GATA4: variants seen among roughly 807,000 people sequenced by gnomAD.
GATA4 encodes transcription factor GATA-4.
In GATA4, 7 loss-of-function variants were observed where a neutral mutation model predicts 37.9. That is an observed-to-expected ratio of 0.18 (90% CI 0.11 to 0.35). The LOEUF (loss-of-function observed/expected upper bound fraction) is 0.35. Ranked by LOEUF, GATA4 falls within the 10% of genes least tolerant of loss-of-function variation. GATA4 has a pLI of 1.00. For missense variants in GATA4, 647 were observed against 653.0 expected (o/e 0.99, Z 0.10); for synonymous variants, 372 against 292.6 (o/e 1.27, Z -2.77).
chr8:11,721,606 G>C (rs988067789), intron 2 of GATA4, among the ~76,000 whole-genome samples: 2 of 152,012 alleles, frequency 1.3e-5, no homozygotes, highest in African/African-American at 4.8e-5. Flanking sequence ...GGTGTGCTTC[G>C]GCAGCAGGGC....
At chr8:11,690,028 G>A (rs1196883844), upstream of GATA4, among the ~76,000 whole-genome samples, 2 of 152,226 alleles carry the variant, frequency 1.3e-5, no homozygotes, top group African/African-American at 2.4e-5. Flanking sequence ...CAAAATGAGT[G>A]GATTGGACCA....
chr8:11,715,752 A>C (rs1469141228), intron 2 of GATA4, among the ~76,000 whole-genome samples: 7 of 152,030 alleles, frequency 4.6e-5, no homozygotes, highest in Non-Finnish European at 1.0e-4. Flanking sequence ...GAAAAAAAAA[A>C]CAACTCAAAT....
chr8:11,750,967 A>G (rs12549359), intron 4 of GATA4, among the ~76,000 whole-genome samples: 44,568 of 151,792 alleles, frequency 0.29, 7,494 homozygotes, highest in East Asian at 0.56. Flanking sequence ...AAAATATTAG[A>G]TAATAAAATA....
upstream of GATA4, chr8:11,700,706 T>G (rs569580035): frequency 2.0e-5 from 3 of 152,410 alleles, no homozygotes; most frequent in Admixed American, 2.0e-4. Flanking sequence ...ACCTTGAATG[T>G]CTGTCCGGAT....
At chr8:11,724,821 G>A (rs1800839862) in intron 2 of GATA4, among the ~76,000 whole-genome samples, 1 of 152,208 alleles carries the variant, frequency 6.6e-6, no homozygotes, top group African/African-American at 2.4e-5. Flanking sequence ...GGAGTGAGTG[G>A]GTGATGACAG....
intron 2 of GATA4, among the ~76,000 whole-genome samples, chr8:11,717,107 T>C (rs1800466342): frequency 6.6e-6 from 1 of 152,180 alleles, no homozygotes; most frequent in African/African-American, 2.4e-5. Flanking sequence ...TGGTAGACCA[T>C]GACATGGCCC....
At chr8:11,742,652 G>C (rs934627132) in intron 2 of GATA4, among the ~76,000 whole-genome samples, 1 of 152,254 alleles carries the variant, frequency 6.6e-6, no homozygotes, top group Admixed American at 6.5e-5. Flanking sequence ...CGCCGCTGGA[G>C]CTGTGTGGGC....
intron 1 of GATA4, chr8:11,697,551 C>A (rs910947006): frequency 3.0e-6 from 3 of 985,366 alleles, no homozygotes; most frequent in South Asian, 4.7e-5. Context: ...CCACTTTCCC[C>A]TCCACCGCCA....
At chr8:11,753,158 G>A (rs576146462) in intron 4 of GATA4, among the ~76,000 whole-genome samples, 2 of 152,134 alleles carry the variant, frequency 1.3e-5, no homozygotes, top group African/African-American at 4.8e-5. Context: ...AACAACCCAA[G>A]TGTCCACGGA....
At chr8:11,693,454 GGAGAAAGA>G (rs1799390198) in intron 1 of GATA4, among the ~76,000 whole-genome samples, 2 of 149,954 alleles carry the variant, frequency 1.3e-5, no homozygotes, top group Non-Finnish European at 3.0e-5. Flanking sequence ...GAGACCCTGT[GGAGAAAGA>G]GAGAAAGGGA....
At chr8:11,676,967 T>A (rs1798804672) in exon 1 of GATA4, 1 of 152,026 alleles carries the variant, frequency 6.6e-6, no homozygotes, top group Non-Finnish European at 1.5e-5. Flanking sequence ...TCACAACGTC[T>A]CCCTCCCACC....
rs2130069132 is a variant in GATA4 at position 11,708,598 on chromosome 8, G to A, written c.286G>A (p.Gly96Arg). ...GGGATGGAGCCAGGCGGGAGCCGAC[G>A]GAGCCGCTTACACCCCGCCGCCGGT... ...SPGWSQAGAD[G>R]AAYTPPPVSP... The change falls in exon 2 of 7, where the codon GGA becomes AGA. Residue 96 changes from glycine (G) to arginine (R), a missense_variant. By Grantham distance (125) the Gly-to-Arg change is moderately radical. This residue lies in a region of GATA4 where 379 missense variants were observed against 334.5 expected (regional missense o/e 1.13). Transcript: ENST00000532059. The surrounding 1 kb of genome is among the most constrained non-coding windows in gnomAD (Gnocchi z 6.7). 1.5e-6 allele frequency: 2 copies of A among 1,358,342 alleles called. No homozygotes were observed. Among genetic ancestry groups the A allele is most frequent in the East Asian group, 3.1e-5 (1 of 31,970 alleles). 84.1% of individuals were successfully genotyped at this position (1,358,342 alleles called of 1,614,324 possible).
At chr8:11,739,040 A>C (rs6992190) in intron 2 of GATA4, among the ~76,000 whole-genome samples, 109,961 of 152,228 alleles carry the variant, frequency 0.72, 40,815 homozygotes, top group African/African-American at 0.9. Context: ...CCAGATGGGG[A>C]TGCCACTGTG....
upstream of GATA4, among the ~76,000 whole-genome samples, chr8:11,703,658 G>A (rs1225690115): frequency 6.6e-6 from 1 of 152,244 alleles, no homozygotes; most frequent in Non-Finnish European, 1.5e-5. Context: ...AGGCAAAAGG[G>A]AGGCTTCGGT....
At chr8:11,686,979 C>G (rs1241778424) in intron 1 of GATA4, among the ~76,000 whole-genome samples, 1 of 149,700 alleles carries the variant, frequency 6.7e-6, no homozygotes, top group Non-Finnish European at 1.5e-5. Flanking sequence ...GCCTGGGTGA[C>G]AGAGTGAGAA....
chr8:11,706,513 A>G (rs1308456151), intron 1 of GATA4, among the ~76,000 whole-genome samples: 2 of 152,234 alleles, frequency 1.3e-5, no homozygotes, highest in East Asian at 3.8e-4. Context: ...ACTCTACAAA[A>G]TAAGTACCTT....
chr8:11,693,564 G>C (rs11250158), intron 1 of GATA4, among the ~76,000 whole-genome samples: 2,011 of 59,414 alleles, frequency 0.034, 25 homozygotes, highest in East Asian at 0.13. Context: ...CACACACACA[G>C]AGAGAGAGAG....
intron 2 of GATA4, among the ~76,000 whole-genome samples, chr8:11,717,382 A>G (rs1038813410): frequency 2.0e-5 from 3 of 152,194 alleles, no homozygotes; most frequent in Admixed American, 1.3e-4. Flanking sequence ...ATCCCTGTCA[A>G]TGAAGAAATC....
At chr8:11,684,989 C>A (rs1181504797) in intron 1 of GATA4, among the ~76,000 whole-genome samples, 3 of 152,030 alleles carry the variant, frequency 2.0e-5, no homozygotes, top group Non-Finnish European at 2.9e-5. Flanking sequence ...ATTCTTTGAC[C>A]CACTTTTTCT....
Sources: gnomAD v4.1 joint callset for allele counts (sites outside exome capture counted in the v4.1 genomes callset) on GRCh38, gnomAD v4.1.1 for gene constraint, gnomAD v4.1.1 regional missense constraint, Gnocchi (gnomAD v3.1) non-coding constraint, MANE v1.5 for transcripts, NCBI Gene and HGNC (gene_info 2026-07-23, HGNC 2026-07-21) for gene names.